The following DOCK11 variants were observed in gnomAD, a reference collection of about 807,000 sequenced individuals.
DOCK11 encodes dedicator of cytokinesis protein 11.
DOCK11 carries 70 observed loss-of-function variants against 169.1 expected under a neutral mutation model. The ratio of observed to expected loss-of-function variants is 0.41; its 90% confidence interval spans 0.34 to 0.51. The LOEUF (loss-of-function observed/expected upper bound fraction) is 0.51, where lower values mean the gene tolerates loss of function less well. Among genes scored for constraint, DOCK11 ranks in the 20% least tolerant of loss-of-function variants. The pLI is 0.10. For missense variants in DOCK11, 1,166 were observed against 1,538.8 expected (o/e 0.76, Z 4.05); for synonymous variants, 529 against 541.3 (o/e 0.98, Z 0.32).
intron 20 of DOCK11, 107 bp from the exon 21 acceptor site, chrX:118,597,324 G>A: frequency 9.6e-7 from 1 of 1,045,397 alleles, no homozygotes; most frequent in Non-Finnish European, 1.3e-6. Flanking sequence ...CCCACATACA[G>A]ATCCCTGGAG....
At chrX:118,577,978 A>G (rs1460095614) in intron 12 of DOCK11, among the ~76,000 whole-genome samples, 1 of 112,103 alleles carries the variant, frequency 8.9e-6, no homozygotes, top group Non-Finnish European at 1.9e-5. Context: ...TTTTGGTTGC[A>G]TCTACATTAG....
chrX:118,644,636 G>A (rs1312954999), intron 40 of DOCK11, among the ~76,000 whole-genome samples: 3 of 111,826 alleles, frequency 2.7e-5, no homozygotes, highest in African/African-American at 9.8e-5. Context: ...AAATAAGTCT[G>A]TATAGACCTC....
At chrX:118,647,714 A>C (rs1202809408) in intron 40 of DOCK11, among the ~76,000 whole-genome samples, 1 of 56,280 alleles carries the variant, frequency 1.8e-5, no homozygotes, top group African/African-American at 7.4e-5. Context: ...TAATAATATA[A>C]TATATAATAA....
intron 9 of DOCK11, among the ~76,000 whole-genome samples, chrX:118,567,790 C>G (rs2013127410): frequency 9.0e-6 from 1 of 111,590 alleles, no homozygotes; most frequent in African/African-American, 3.3e-5. Flanking sequence ...TCTTTGTCAT[C>G]CTGGATTGTG....
chrX:118,614,551 A>G (rs1430923775), intron 28 of DOCK11, 141 bp from the exon 29 acceptor site: 2 of 469,240 alleles, frequency 4.3e-6, no homozygotes, highest in African/African-American at 5.0e-5. Flanking sequence ...GGTCACCTGA[A>G]GCTCAGAAAG....
chrX:118,617,765 C>G (rs2014862086), intron 30 of DOCK11, among the ~76,000 whole-genome samples: 1 of 110,541 alleles, frequency 9.0e-6, no homozygotes. Flanking sequence ...CGTCTATAGT[C>G]ATAGCTACTT....
At chrX:118,534,075 C>G (rs2011671713) in intron 1 of DOCK11, among the ~76,000 whole-genome samples, 1 of 112,306 alleles carries the variant, frequency 8.9e-6, no homozygotes, top group Non-Finnish European at 1.9e-5. Flanking sequence ...ATTCTAGTCT[C>G]TCAATTATTC....
At chrX:118,631,387 A>G (rs1251343434) in intron 35 of DOCK11, among the ~76,000 whole-genome samples, 4 of 112,019 alleles carry the variant, frequency 3.6e-5, no homozygotes, top group African/African-American at 1.3e-4. Flanking sequence ...AGTAAATTCT[A>G]AAGTTCATTA....
Position 118,641,125 on chromosome X carries a change from G to A in DOCK11, c.4145-65G>A, listed in dbSNP as rs894575427. The A allele has an allele frequency of 1.4e-5, 12 of 852,415 alleles. No individual in the cohort carries two copies. The Admixed American group carries it at 2.7e-4, about 19-fold the overall frequency. 70.2% of individuals were successfully genotyped at this position (852,415 alleles called of 1,213,427 possible). A position where few individuals can be genotyped will look rare whatever the true frequency, so the allele number is the denominator to read the frequency against. Reference sequence around the variant, plus strand: ...CTTGTCTTAAGTCTTTGGGTAGAAAGTCATTCAACACCATTATGTGCATCT... The same window carrying A: ...CTTGTCTTAAGTCTTTGGGTAGAAAATCATTCAACACCATTATGTGCATCT... On this transcript the variant is annotated intron_variant, in intron 38 of 52. Transcript: ENST00000276202.
chrX:118,675,942 A>G lies in DOCK11; in HGVS notation c.5206A>G (p.Thr1736Ala). The G allele has an allele frequency of 8.8e-7, 1 of 1,135,513 alleles. No homozygotes were observed. Among genetic ancestry groups the G allele is most frequent in the South Asian group, 2.0e-5 (1 of 50,270 alleles). The allele number at this position is 1,135,513 out of a possible 1,213,427, so 93.6% of individuals were successfully genotyped here. A position where few individuals can be genotyped will look rare whatever the true frequency, so the allele number is the denominator to read the frequency against. The change falls in exon 47 of 53, where the codon ACT (threonine) becomes GCT (alanine). Residue 1736 changes from threonine (T) to alanine (A), a missense_variant. Transcript: ENST00000276202. ...GTATATTTTTATTTTTCAGAAACTT[A>G]CTCAAGTTTATAGAACTCTTCATGG... ...YEKRREFEKL[T>A]QVYRTLHGAY...
intron 28 of DOCK11, among the ~76,000 whole-genome samples, 181 bp downstream of exon 28, chrX:118,610,599 A>G: frequency 9.2e-6 from 1 of 108,303 alleles, no homozygotes; most frequent in East Asian, 2.9e-4. Flanking sequence ...GAGTGTAGAT[A>G]TCTCTTTGAT....
At chrX:118,652,231 A>C (rs1407039031) in intron 42 of DOCK11, among the ~76,000 whole-genome samples, 154 bp downstream of exon 42, 1 of 111,919 alleles carries the variant, frequency 8.9e-6, no homozygotes, top group Non-Finnish European at 1.9e-5. Flanking sequence ...ACATCACTAT[A>C]TCTCTAGTAC....
chrX:118,628,136 A>C (rs2015151644), intron 33 of DOCK11, 27 bp from the exon 34 acceptor site: 3 of 1,049,053 alleles, frequency 2.9e-6, no homozygotes, highest in African/African-American at 3.8e-5. Context: ...TCTTGCCAAC[A>C]AGGGCTTGAC....
chrX:118,544,603 G>A (rs1243452427), intron 4 of DOCK11, among the ~76,000 whole-genome samples: 2 of 101,872 alleles, frequency 2.0e-5, no homozygotes, highest in African/African-American at 7.2e-5. Flanking sequence ...CCAGTCCAAG[G>A]TCATACAGCA....
At chrX:118,594,894 T>C (rs2014113605) in intron 20 of DOCK11, among the ~76,000 whole-genome samples, 3 of 110,200 alleles carry the variant, frequency 2.7e-5, no homozygotes. Context: ...AAGGAACAGC[T>C]TGTACAGAGG....
At chrX:118,551,638 CA>C (rs961077164) in intron 6 of DOCK11, among the ~76,000 whole-genome samples, 6 of 110,500 alleles carry the variant, frequency 5.4e-5, no homozygotes, top group Non-Finnish European at 1.1e-4. Context: ...GTCAAAGCTA[CA>C]GTGAGCTGTG....
intron 36 of DOCK11, among the ~76,000 whole-genome samples, chrX:118,636,784 G>C (rs1285679557): frequency 9.0e-6 from 1 of 110,645 alleles, no homozygotes; most frequent in Admixed American, 9.6e-5. Flanking sequence ...ATGTAGAGCT[G>C]AGTAATTCTA....
intron 6 of DOCK11, among the ~76,000 whole-genome samples, chrX:118,552,247 T>C (rs1487011081): frequency 9.0e-6 from 1 of 111,603 alleles, no homozygotes; most frequent in Non-Finnish European, 1.9e-5. Context: ...CTAAATAATA[T>C]AGCCAAACTA....
At chrX:118,648,123 T>A (rs1437739787) in intron 40 of DOCK11, among the ~76,000 whole-genome samples, 1 of 76,876 alleles carries the variant, frequency 1.3e-5, no homozygotes, top group East Asian at 3.6e-4. Context: ...TAAATTGTAA[T>A]ATTATATAAT....
Sources: allele counts gnomAD v4.1 joint callset (sites outside exome capture counted in the v4.1 genomes callset), GRCh38; gene constraint gnomAD v4.1.1; transcripts MANE v1.5; gene names NCBI Gene and HGNC (gene_info 2026-07-23, HGNC 2026-07-21).